The following CHN1 variants were observed in gnomAD, a reference collection of about 807,000 sequenced individuals.
CHN1 encodes the protein N-chimaerin.
Under a neutral mutation model 59.5 loss-of-function variants are expected in CHN1, and 37 were observed. That is an observed-to-expected ratio of 0.62 (90% confidence interval 0.48 to 0.82). The LOEUF is 0.82. Ranked by LOEUF, CHN1 falls within the 40% of genes least tolerant of loss-of-function variation. CHN1 has a pLI of 0.00. For synonymous variants in CHN1, 206 were observed against 200.4 expected (o/e 1.03, Z -0.24); for missense variants, 469 against 571.0 (o/e 0.82, Z 1.82).
intron 1 of CHN1, among the ~76,000 whole-genome samples, chr2:174,962,247 T>C (rs1690435740): frequency 1.3e-5 from 2 of 152,136 alleles, no homozygotes; most frequent in African/African-American, 4.8e-5. Flanking sequence ...ATCACGCCAC[T>C]GCATTCCAGC....
intron 1 of CHN1, among the ~76,000 whole-genome samples, chr2:174,958,170 AGAAG>A (rs1232410129): frequency 8.3e-6 from 1 of 120,494 alleles, no homozygotes; most frequent in Non-Finnish European, 1.7e-5. Flanking sequence ...ACAGGAGGAG[AGAAG>A]GAAGGGAGGG....
chr2:174,935,157 C>A (rs1467679081), intron 3 of CHN1, among the ~76,000 whole-genome samples: 1 of 152,206 alleles, frequency 6.6e-6, no homozygotes, highest in Non-Finnish European at 1.5e-5. Context: ...CTGCCCTTGG[C>A]CAGAGGAGCT....
intron 3 of CHN1, among the ~76,000 whole-genome samples, chr2:174,928,385 A>G (rs1369256817): frequency 6.6e-6 from 1 of 152,250 alleles, no homozygotes; most frequent in African/African-American, 2.4e-5. Context: ...TAAGGGATCT[A>G]ACCGTTGTTT....
chr2:174,934,059 T>C (rs948450370), intron 3 of CHN1, among the ~76,000 whole-genome samples: 4 of 152,092 alleles, frequency 2.6e-5, no homozygotes, highest in African/African-American at 9.7e-5. Flanking sequence ...GGGAGACAAT[T>C]TTACAATTTT....
chr2:174,945,375 T>C (rs1419166510), intron 2 of CHN1: 3 of 161,690 alleles, frequency 1.9e-5, no homozygotes, highest in African/African-American at 7.2e-5. Context: ...ACACACTATT[T>C]ATATTGCAAA....
chr2:174,960,564 C>T (rs142029274), intron 1 of CHN1, among the ~76,000 whole-genome samples: 68 of 152,216 alleles, frequency 4.5e-4, no homozygotes, highest in Middle Eastern at 3.4e-3. Flanking sequence ...CAGCTGGGGC[C>T]GGGCACGGTG....
chr2:174,922,384 T>C (rs1338225973), intron 3 of CHN1, among the ~76,000 whole-genome samples: 1 of 152,238 alleles, frequency 6.6e-6, no homozygotes, highest in East Asian at 1.9e-4. Flanking sequence ...ATATGCACTG[T>C]TCATAGTCAT....
intron 3 of CHN1, among the ~76,000 whole-genome samples, chr2:174,937,332 G>C (rs1045765958): frequency 6.6e-6 from 1 of 152,058 alleles, no homozygotes; most frequent in Non-Finnish European, 1.5e-5. Context: ...TGTAAGCTGT[G>C]ATACAATACT....
chr2:174,833,929 C>A (rs1056773692), intron 7 of CHN1, among the ~76,000 whole-genome samples: 1 of 152,004 alleles, frequency 6.6e-6, no homozygotes, highest in Non-Finnish European at 1.5e-5. Flanking sequence ...GCAGTGGGAA[C>A]CACAGGCATG....
At chr2:174,910,257 C>T (rs1688652555) in intron 5 of CHN1, among the ~76,000 whole-genome samples, 1 of 152,070 alleles carries the variant, frequency 6.6e-6, no homozygotes, top group Admixed American at 6.6e-5. Flanking sequence ...ACAAATTTAG[C>T]AGGTTAAGTC....
chr2:174,951,696 T>A (rs1690029258), intron 2 of CHN1, among the ~76,000 whole-genome samples: 1 of 152,226 alleles, frequency 6.6e-6, no homozygotes, highest in Non-Finnish European at 1.5e-5. Flanking sequence ...TGGAATCAAG[T>A]ATCTCCCTTA....
intron 5 of CHN1, among the ~76,000 whole-genome samples, chr2:174,903,583 T>C (rs1439634593): frequency 6.6e-6 from 1 of 152,222 alleles, no homozygotes; most frequent in Non-Finnish European, 1.5e-5. Context: ...TAAACACTTT[T>C]ATTTCAAAAT....
chr2:174,863,392 CTGAACACAGAAGCATTTA>C (rs1687124747), intron 6 of CHN1, among the ~76,000 whole-genome samples: 1 of 152,114 alleles, frequency 6.6e-6, no homozygotes, highest in Non-Finnish European at 1.5e-5. Flanking sequence ...TCACCACAGA[CTGAACACAGAAGCATTTA>C]TGAGAACCCA....
chr2:174,914,426 G>A (rs1688781477), intron 5 of CHN1, among the ~76,000 whole-genome samples: 2 of 152,158 alleles, frequency 1.3e-5, no homozygotes, highest in South Asian at 4.1e-4. Context: ...TTAGCTTTAT[G>A]AGTTATGAAT....
chr2:175,003,190 C>G (rs1279290049), intron 1 of CHN1, among the ~76,000 whole-genome samples: 3 of 152,236 alleles, frequency 2.0e-5, no homozygotes, highest in Admixed American at 2.0e-4. Context: ...CAAATAGCCT[C>G]TGCACTCAAG....
intron 6 of CHN1, among the ~76,000 whole-genome samples, chr2:174,866,805 A>G (rs1430747382): frequency 6.6e-6 from 1 of 152,218 alleles, no homozygotes; most frequent in Non-Finnish European, 1.5e-5. Flanking sequence ...CAAATTCAGA[A>G]AAATGTTTCT....
chr2:175,001,835 G>A (rs962970365), intron 1 of CHN1, among the ~76,000 whole-genome samples: 2 of 152,160 alleles, frequency 1.3e-5, no homozygotes, highest in Non-Finnish European at 2.9e-5. Context: ...AGGCTCTATT[G>A]GTGTGGCCAA....
chr2:174,910,689 C>T (rs1688670121), intron 5 of CHN1, among the ~76,000 whole-genome samples: 1 of 151,906 alleles, frequency 6.6e-6, no homozygotes, highest in African/African-American at 2.4e-5. Context: ...TGCATTTATA[C>T]CCATAAATTG....
chr2:174,937,645 G>T (rs967219768), intron 3 of CHN1, among the ~76,000 whole-genome samples: 2 of 151,802 alleles, frequency 1.3e-5, no homozygotes, highest in Non-Finnish European at 2.9e-5. Flanking sequence ...CAATGTTGGG[G>T]ACAGAGCCTG....
Sources: allele counts gnomAD v4.1 joint callset (sites outside exome capture counted in the v4.1 genomes callset), GRCh38; gene constraint gnomAD v4.1.1; transcripts MANE v1.5; gene names NCBI Gene and HGNC (gene_info 2026-07-23, HGNC 2026-07-21).